EEIG2: variants seen among roughly 807,000 people sequenced by gnomAD.
EEIG2 encodes family with sequence similarity 102 member B.
chr1:108,632,808 AT>A, the EEIG2 span, among the ~76,000 whole-genome samples: 132 of 151,828 alleles, frequency 8.7e-4, 1 homozygote, highest in African/African-American at 3.0e-3. Flanking sequence ...ACCAAATGGA[AT>A]TTTTTTTTCT....
the EEIG2 span, among the ~76,000 whole-genome samples, chr1:108,618,875 A>G: frequency 6.6e-6 from 1 of 151,800 alleles, no homozygotes; most frequent in African/African-American, 2.4e-5. Flanking sequence ...AAAACCACAC[A>G]TCTTCCTATA....
the EEIG2 span, chr1:108,627,285 T>G: frequency 6.6e-6 from 1 of 152,230 alleles, no homozygotes; most frequent in Non-Finnish European, 1.5e-5. Flanking sequence ...AAGGACCAGG[T>G]TACTCCAGTA....
At chr1:108,561,039 T>C in the EEIG2 span, among the ~76,000 whole-genome samples, 1 of 152,204 alleles carries the variant, frequency 6.6e-6, no homozygotes, top group African/African-American at 2.4e-5. Context: ...CAGGCTTGAC[T>C]TGAGTCAAGT....
chr1:108,589,263 A>C, the EEIG2 span, among the ~76,000 whole-genome samples: 1 of 152,064 alleles, frequency 6.6e-6, no homozygotes, highest in Non-Finnish European at 1.5e-5. Context: ...CAGGTTCTTT[A>C]CTATCAGCAC....
At chr1:108,597,958 C>G in the EEIG2 span, among the ~76,000 whole-genome samples, 29 of 152,250 alleles carry the variant, frequency 1.9e-4, no homozygotes, top group African/African-American at 6.3e-4. Context: ...GTTTATATCT[C>G]CTTGTTGGGA....
the EEIG2 span, chr1:108,629,453 T>C: frequency 1.8e-6 from 1 of 560,264 alleles, no homozygotes; most frequent in Admixed American, 3.4e-5. Flanking sequence ...TTTTAAAACA[T>C]GTATATAACT....
At chr1:108,631,539 T>A in the EEIG2 span, among the ~76,000 whole-genome samples, 1 of 152,172 alleles carries the variant, frequency 6.6e-6, no homozygotes, top group Admixed American at 6.5e-5. Context: ...AGAGAGACTT[T>A]GGGAGAATAA....
the EEIG2 span, among the ~76,000 whole-genome samples, chr1:108,601,581 A>G: frequency 6.6e-6 from 1 of 152,028 alleles, no homozygotes. Flanking sequence ...AATATAACAT[A>G]AAGTCTTAAA....
the EEIG2 span, among the ~76,000 whole-genome samples, chr1:108,618,958 TA>T: frequency 2.0e-5 from 3 of 152,208 alleles, no homozygotes; most frequent in African/African-American, 7.2e-5. Flanking sequence ...TTCTTGGGAT[TA>T]AACCAATTTT....
the EEIG2 span, among the ~76,000 whole-genome samples, chr1:108,570,212 A>AC: frequency 1.3e-5 from 2 of 152,320 alleles, no homozygotes; most frequent in Non-Finnish European, 2.9e-5. Flanking sequence ...TTTTTTTAAA[A>AC]GTCTAGCTGG....
chr1:108,560,471 C>T, the EEIG2 span: 1 of 1,613,284 alleles, frequency 6.2e-7, no homozygotes, highest in Non-Finnish European at 8.5e-7. Flanking sequence ...GGACTTCGAG[C>T]TCGAGGAGCT....
At chr1:108,579,764 T>TGAGAGAGAGAGAGAGA in the EEIG2 span, among the ~76,000 whole-genome samples, 1 of 17,356 alleles carries the variant, frequency 5.8e-5, no homozygotes, top group South Asian at 2.7e-3. Flanking sequence ...TGTGTGTGTG[T>TGAGAGAGAGAGAGAGA]GTGTGTGTGA....
the EEIG2 span, among the ~76,000 whole-genome samples, chr1:108,619,373 A>G: frequency 2.6e-5 from 4 of 152,216 alleles, no homozygotes; most frequent in African/African-American, 7.2e-5. Context: ...TCATTGAAAA[A>G]GGGGAAATTC....
the EEIG2 span, chr1:108,600,486 CTT>C: frequency 1.5e-4 from 224 of 1,500,288 alleles, no homozygotes; most frequent in African/African-American, 2.8e-3. Context: ...GCATGTTAGA[CTT>C]GAGTGAAAGT....
the EEIG2 span, among the ~76,000 whole-genome samples, chr1:108,608,474 T>C: frequency 3.3e-5 from 5 of 152,332 alleles, no homozygotes; most frequent in African/African-American, 7.2e-5. Context: ...ATACAGCTAG[T>C]GTTTATGTAT....
chr1:108,633,018 C>T, the EEIG2 span, among the ~76,000 whole-genome samples: 1 of 149,694 alleles, frequency 6.7e-6, no homozygotes, highest in Non-Finnish European at 1.5e-5. Flanking sequence ...CTCCTGGCCT[C>T]AAGTGATCCT....
chr1:108,610,492 T>G, the EEIG2 span, among the ~76,000 whole-genome samples: 1 of 152,058 alleles, frequency 6.6e-6, no homozygotes, highest in African/African-American at 2.4e-5. Flanking sequence ...TGTTGGAGGG[T>G]CAACGAAAAG....
At chr1:108,576,475 T>G in the EEIG2 span, among the ~76,000 whole-genome samples, 7 of 125,890 alleles carry the variant, frequency 5.6e-5, no homozygotes, top group African/African-American at 2.1e-4. Context: ...GTCCCCAGAG[T>G]GTGATATTCC....
the EEIG2 span, among the ~76,000 whole-genome samples, chr1:108,620,813 A>G: frequency 6.6e-6 from 1 of 152,200 alleles, no homozygotes; most frequent in African/African-American, 2.4e-5. Context: ...GCCACATGCC[A>G]AGACTTAACA....
Sources: gnomAD v4.1 joint callset for allele counts (sites outside exome capture counted in the v4.1 genomes callset) on GRCh38, gnomAD v4.1.1 for gene constraint, MANE v1.5 for transcripts, NCBI Gene and HGNC (gene_info 2026-07-23, HGNC 2026-07-21) for gene names.